The following PDGFD variants were observed in gnomAD, a reference collection of about 807,000 sequenced individuals.
PDGFD encodes platelet-derived growth factor D.
Under a neutral mutation model 44.7 loss-of-function variants are expected in PDGFD, and 30 were observed. That is an observed-to-expected ratio of 0.67 (90% CI 0.50 to 0.91). The LOEUF (loss-of-function observed/expected upper bound fraction) is 0.91, where lower values mean the gene tolerates loss of function less well. PDGFD is among the 40% of genes least tolerant of loss of function. The pLI, the probability that PDGFD is intolerant of heterozygous loss-of-function variation, is 0.00. For missense variants in PDGFD, 445 were observed against 457.8 expected (o/e 0.97, Z 0.25); for synonymous variants, 173 against 168.4 (o/e 1.03, Z -0.21).
At chr11:103,967,079 A>C (rs1367349088) in intron 3 of PDGFD, among the ~76,000 whole-genome samples, 1 of 152,204 alleles carries the variant, frequency 6.6e-6, no homozygotes, top group Non-Finnish European at 1.5e-5. Flanking sequence ...AAAGCTATGA[A>C]AGGGATGCCA....
chr11:103,987,167 G>A (rs992123747), intron 3 of PDGFD, among the ~76,000 whole-genome samples: 4 of 150,562 alleles, frequency 2.7e-5, no homozygotes, highest in African/African-American at 9.8e-5. Context: ...CCATACAGCT[G>A]GCTCTGTGTG....
Position 104,000,802 on chromosome 11 carries a change from G to A in PDGFD, c.125-547C>T, listed in dbSNP as rs182700212. 3.9e-5 allele frequency among the ~76,000 whole-genome samples: 6 copies of A among 152,236 alleles called. No homozygotes were observed. In the East Asian group the frequency reaches 1.2e-3, roughly 29 times the overall value. Reference sequence around the variant, plus strand: ...TTCCACCACGAAAAATCATAATTTTGTGTCTTGGGTTTTCTATGAGTTAAA... The same window carrying A: ...TTCCACCACGAAAAATCATAATTTTATGTCTTGGGTTTTCTATGAGTTAAA... On this transcript the variant is annotated intron_variant, in intron 1 of 6. Transcript: ENST00000393158.
intron 1 of PDGFD, chr11:104,036,889 C>T (rs764164419): frequency 1.9e-6 from 3 of 1,614,136 alleles, no homozygotes; most frequent in South Asian, 1.1e-5. Context: ...CCAGGTCAGC[C>T]CCGACTTTGA....
At chr11:103,934,356 G>A (rs1249490263) in intron 5 of PDGFD, among the ~76,000 whole-genome samples, 1 of 152,162 alleles carries the variant, frequency 6.6e-6, no homozygotes, top group Non-Finnish European at 1.5e-5. Flanking sequence ...ACTAGAAGGA[G>A]CTGAGATTCT....
chr11:104,150,222 A>G (rs1862222338), intron 1 of PDGFD, among the ~76,000 whole-genome samples: 1 of 152,194 alleles, frequency 6.6e-6, no homozygotes, highest in Non-Finnish European at 1.5e-5. Flanking sequence ...ATATAATGAA[A>G]TAGGACACTG....
chr11:103,951,729 CATT>C lies in PDGFD; in HGVS notation c.511-4008_511-4006del, dbSNP rs796995897. ...AACGCTCCAATGGCTGGCTCCTCAT[CATT>C]TAGTTCTCTGCTCAAATATCTAACA... On this transcript the variant is annotated intron_variant, in intron 3 of 6. Coordinates refer to ENST00000393158, the MANE Select transcript of PDGFD (RefSeq NM_025208.5). 1.1e-3 allele frequency among the ~76,000 whole-genome samples: 163 copies of C among 152,318 alleles called. 1 individual carries two copies. Among genetic ancestry groups the C allele is most frequent in the African/African-American group, 3.7e-3 (155 of 41,560 alleles).
At chr11:103,979,083 T>C (rs1859225651) in intron 3 of PDGFD, among the ~76,000 whole-genome samples, 3 of 152,058 alleles carry the variant, frequency 2.0e-5, no homozygotes, top group African/African-American at 7.2e-5. Context: ...TGGACATGTA[T>C]GTTTAAAAGA....
chr11:103,995,569 T>C (rs1485961011), intron 3 of PDGFD, among the ~76,000 whole-genome samples: 5 of 152,210 alleles, frequency 3.3e-5, no homozygotes, highest in Non-Finnish European at 5.9e-5. Context: ...TGCAGATGCT[T>C]ATGAGCCCTG....
At chr11:104,093,333 C>T (rs970926996) in intron 1 of PDGFD, among the ~76,000 whole-genome samples, 1 of 152,204 alleles carries the variant, frequency 6.6e-6, no homozygotes, top group East Asian at 1.9e-4. Context: ...CACACATACA[C>T]ACACACTATC....
rs1859533414 is a variant in PDGFD at position 103,996,259 on chromosome 11, G to C, written c.330-14C>G. The C allele has an allele frequency of 2.5e-6, 4 of 1,589,826 alleles. No homozygotes were observed. The highest frequency in any genetic ancestry group is 2.3e-5 in the South Asian group (2 of 86,842). ...ACAAAATCATACCTAGAATCAATTG[G>C]ACATAATGAACAAGTTTTGATTAAA... On this transcript the variant is annotated splice_polypyrimidine_tract_variant and intron_variant, in intron 2 of 6. Coordinates refer to ENST00000393158, the MANE Select transcript of PDGFD (RefSeq NM_025208.5).
At chr11:104,073,326 TAA>T (rs1733190182) in intron 1 of PDGFD, among the ~76,000 whole-genome samples, 1 of 152,170 alleles carries the variant, frequency 6.6e-6, no homozygotes, top group African/African-American at 2.4e-5. Context: ...GGATTTCAGT[TAA>T]GTTTTGTACA....
chr11:103,980,138 A>G (rs1859246805), intron 3 of PDGFD, among the ~76,000 whole-genome samples: 1 of 152,124 alleles, frequency 6.6e-6, no homozygotes, highest in Non-Finnish European at 1.5e-5. Context: ...CAGAGATAGT[A>G]CAGAGATTAA....
At chr11:104,078,706 A>G (rs184787822) in intron 1 of PDGFD, among the ~76,000 whole-genome samples, 24 of 152,300 alleles carry the variant, frequency 1.6e-4, no homozygotes, top group African/African-American at 5.1e-4. Context: ...TAATTTTGGA[A>G]GTGGTATATC....
chr11:104,012,869 A>C (rs1029874319), intron 1 of PDGFD, among the ~76,000 whole-genome samples: 1 of 152,248 alleles, frequency 6.6e-6, no homozygotes, highest in Non-Finnish European at 1.5e-5. Context: ...CCACATGGCC[A>C]TGTTATGGAC....
intron 5 of PDGFD, among the ~76,000 whole-genome samples, chr11:103,934,032 C>T (rs758864345): frequency 2.0e-5 from 3 of 152,166 alleles, no homozygotes; most frequent in Non-Finnish European, 4.4e-5. Flanking sequence ...TTCTTGTTCT[C>T]ATTTACTAGA....
At chr11:104,151,412 A>C (rs1862243596) in intron 1 of PDGFD, among the ~76,000 whole-genome samples, 1 of 152,200 alleles carries the variant, frequency 6.6e-6, no homozygotes, top group Non-Finnish European at 1.5e-5. Flanking sequence ...AAATTTATTG[A>C]TATAATACAG....
At chr11:104,009,806 T>C (rs1362692654) in intron 1 of PDGFD, among the ~76,000 whole-genome samples, 2 of 152,196 alleles carry the variant, frequency 1.3e-5, no homozygotes, top group African/African-American at 4.8e-5. Context: ...ACTCTAACAA[T>C]GTTAGTTTAA....
intron 1 of PDGFD, among the ~76,000 whole-genome samples, chr11:104,013,483 G>A (rs539095253): frequency 1.8e-4 from 28 of 152,196 alleles, no homozygotes; most frequent in African/African-American, 5.5e-4. Flanking sequence ...CCTGGCACCC[G>A]CTCGCCTGCA....
intron 6 of PDGFD, 85 bp downstream of exon 6, chr11:103,926,827 C>A: frequency 7.2e-7 from 1 of 1,384,738 alleles, no homozygotes; most frequent in Non-Finnish European, 9.9e-7. Context: ...GTGCAGTGAA[C>A]AACCTGAACA....
Sources: allele counts gnomAD v4.1 joint callset (sites outside exome capture counted in the v4.1 genomes callset), GRCh38; gene constraint gnomAD v4.1.1; transcripts MANE v1.5; gene names NCBI Gene and HGNC (gene_info 2026-07-23, HGNC 2026-07-21).